Variants in SLC25A21 observed in about 807,000 individuals in gnomAD.
The protein encoded by SLC25A21 is mitochondrial 2-oxodicarboxylate carrier.
In SLC25A21, 47 loss-of-function variants were observed where a neutral mutation model predicts 43.8. The observed-to-expected ratio is 1.07, with a 90% CI of 0.85 to 1.37. The LOEUF (loss-of-function observed/expected upper bound fraction) is 1.37, where lower values mean the gene tolerates loss of function less well. Ranked by LOEUF, SLC25A21 falls within the 40% of genes most tolerant of loss-of-function variation. SLC25A21 has a pLI of 0.00. For synonymous variants in SLC25A21, 131 were observed against 121.3 expected, an observed-to-expected ratio of 1.08 and a Z score of -0.52; for missense variants, 352 against 350.2, an observed-to-expected ratio of 1.00 and a Z score of -0.04.
chr14:36,845,883 G>A (rs1889525978), intron 2 of SLC25A21, among the ~76,000 whole-genome samples: 1 of 152,158 alleles, frequency 6.6e-6, no homozygotes, highest in South Asian at 2.1e-4. Flanking sequence ...TCCTGCCTCT[G>A]TTTATTATTC....
intron 1 of SLC25A21, among the ~76,000 whole-genome samples, chr14:36,982,838 C>CAACAAACAAAACA (rs1555340245): frequency 4.0e-5 from 6 of 151,430 alleles, no homozygotes; most frequent in African/African-American, 9.7e-5. Flanking sequence ...ACAACAACAA[C>CAACAAACAAAACA]AAACAAAACA....
At chr14:36,952,606 C>T (rs968215853) in intron 1 of SLC25A21, among the ~76,000 whole-genome samples, 1 of 152,002 alleles carries the variant, frequency 6.6e-6, no homozygotes, top group African/African-American at 2.4e-5. Context: ...AACTGTAGAC[C>T]GAATAAGTCT....
rs191390846 is a variant in SLC25A21, at chr14:36,993,107, C to A, written c.71-118103G>T. ...TGCTTTTACGTTTTTCTGTTTGGGACAATAATCATAAACATTTACTTCCAG... is the reference window on the plus strand; with the variant it reads ...TGCTTTTACGTTTTTCTGTTTGGGAAAATAATCATAAACATTTACTTCCAG... On this transcript the variant is annotated intron_variant, in intron 1 of 9. Coordinates refer to ENST00000331299, the MANE Select transcript of SLC25A21 (RefSeq NM_030631.4). 5.3e-5 allele frequency among the ~76,000 whole-genome samples: 8 copies of A among 152,240 alleles called. No homozygotes were observed. The East Asian group carries it at 1.4e-3, about 26-fold the overall frequency.
intron 1 of SLC25A21, among the ~76,000 whole-genome samples, chr14:37,059,717 G>C (rs142319199): frequency 9.9e-4 from 151 of 152,298 alleles, no homozygotes; most frequent in African/African-American, 3.5e-3. Flanking sequence ...AGTTTTCACA[G>C]AGTTGACAAG....
At chr14:36,904,250 T>G (rs938881869) in intron 1 of SLC25A21, among the ~76,000 whole-genome samples, 1 of 152,140 alleles carries the variant, frequency 6.6e-6, no homozygotes, top group Admixed American at 6.6e-5. Flanking sequence ...AATAAATGGG[T>G]TGCTCACATA....
chr14:37,150,779 C>T (rs1594819087), intron 1 of SLC25A21, among the ~76,000 whole-genome samples: 1 of 152,174 alleles, frequency 6.6e-6, no homozygotes, highest in East Asian at 1.9e-4. Context: ...CCTAGGCGGA[C>T]GCTCCAAAAT....
chr14:36,983,823 A>C (rs1490897978), intron 1 of SLC25A21, among the ~76,000 whole-genome samples: 2 of 152,164 alleles, frequency 1.3e-5, no homozygotes, highest in African/African-American at 4.8e-5. Context: ...ATAAGAATGG[A>C]ATCATATCCT....
intron 1 of SLC25A21, among the ~76,000 whole-genome samples, chr14:36,973,379 C>A (rs1357251135): frequency 6.6e-6 from 1 of 152,122 alleles, no homozygotes; most frequent in South Asian, 2.1e-4. Flanking sequence ...AGAAACATAG[C>A]GGAGGCTGCC....
chr14:37,061,261 T>C (rs1184586271), intron 1 of SLC25A21, among the ~76,000 whole-genome samples: 1 of 152,188 alleles, frequency 6.6e-6, no homozygotes, highest in East Asian at 1.9e-4. Flanking sequence ...CATTTTGCTA[T>C]GACACCAACG....
rs560138205 is a variant in SLC25A21 at position 36,736,945 on chromosome 14, C to T, written c.204-2372G>A. Reference sequence around the variant, plus strand: ...AATGAAGTACTTCTAATGGTCAGAACGGTCTAAAGATAGAATGGGCTCTCC... The same window carrying T: ...AATGAAGTACTTCTAATGGTCAGAATGGTCTAAAGATAGAATGGGCTCTCC... On this transcript the variant is annotated intron_variant, in intron 3 of 9. Transcript: ENST00000331299. Among the ~76,000 whole-genome samples the T allele has an allele frequency of 4.5e-4, 69 of 152,304 alleles. 1 individual carries two copies. The highest frequency in any genetic ancestry group is 2.0e-4 in the Admixed American group (3 of 15,308).
chr14:36,897,807 A>G (rs564243580), intron 1 of SLC25A21, among the ~76,000 whole-genome samples: 1 of 152,170 alleles, frequency 6.6e-6, no homozygotes, highest in Non-Finnish European at 1.5e-5. Flanking sequence ...CACTCCAGAC[A>G]CTGTTTGCCT....
At chr14:37,111,865 GAA>G (rs1479926110) in intron 1 of SLC25A21, among the ~76,000 whole-genome samples, 2 of 152,198 alleles carry the variant, frequency 1.3e-5, no homozygotes, top group African/African-American at 4.8e-5. Context: ...CAGAATTTAT[GAA>G]AGACTTTTCT....
chr14:36,891,674 G>A (rs1025021181), intron 1 of SLC25A21, among the ~76,000 whole-genome samples: 1 of 152,064 alleles, frequency 6.6e-6, no homozygotes, highest in Non-Finnish European at 1.5e-5. Flanking sequence ...CAGCAAGATG[G>A]CGTTTCCCAG....
chr14:36,766,045 T>G (rs1886402386), intron 3 of SLC25A21, among the ~76,000 whole-genome samples: 1 of 151,222 alleles, frequency 6.6e-6, no homozygotes, highest in Non-Finnish European at 1.5e-5. Flanking sequence ...TTTTTTTGAG[T>G]GAAATATCAT....
chr14:36,678,676 G>A lies in SLC25A21; in HGVS notation c.*1982C>T. ...GCTTTAAAAAATATTACTTGCTTGT[G>A]TGGAAATGCAAATAATGTTATTTTC... On this transcript the variant is annotated 3_prime_UTR_variant, in exon 10 of 10. Transcript: ENST00000331299. 8.0e-7 allele frequency: 1 copy of A among 1,256,842 alleles called. No individual in the cohort carries two copies. Among genetic ancestry groups the A allele is most frequent in the South Asian group, 3.5e-5 (1 of 28,426 alleles). The allele number at this position is 1,256,842 out of a possible 1,614,324, so 77.9% of individuals were successfully genotyped here.
At chr14:37,131,762 T>C (rs1022251216) in intron 1 of SLC25A21, among the ~76,000 whole-genome samples, 31 of 152,278 alleles carry the variant, frequency 2.0e-4, no homozygotes, top group South Asian at 2.1e-4. Context: ...GCAGTCTCCA[T>C]ACTTGGGCTC....
intron 1 of SLC25A21, among the ~76,000 whole-genome samples, chr14:36,966,664 G>C (rs1959623958): frequency 6.6e-6 from 1 of 152,206 alleles, no homozygotes; most frequent in South Asian, 2.1e-4. Flanking sequence ...AATAACAACT[G>C]TTATCTGCCC....
intron 1 of SLC25A21, among the ~76,000 whole-genome samples, chr14:37,069,592 G>A (rs955730502): frequency 2.6e-5 from 4 of 152,106 alleles, no homozygotes; most frequent in Non-Finnish European, 4.4e-5. Flanking sequence ...AGCCTTCTTC[G>A]TTGAAAACAG....
intron 3 of SLC25A21, among the ~76,000 whole-genome samples, chr14:36,811,926 T>C (rs1888284712): frequency 2.0e-5 from 3 of 152,270 alleles, no homozygotes; most frequent in African/African-American, 2.4e-5. Context: ...AGATAGATAA[T>C]ACAAAATCAA....
Sources: gnomAD v4.1 joint callset for allele counts (sites outside exome capture counted in the v4.1 genomes callset) on GRCh38, gnomAD v4.1.1 for gene constraint, MANE v1.5 for transcripts, NCBI Gene and HGNC (gene_info 2026-07-23, HGNC 2026-07-21) for gene names.